SPAG16: variants seen among roughly 807,000 people sequenced by gnomAD.
The protein encoded by SPAG16 is sperm associated antigen 16, also known as sperm-associated antigen 16 protein.
Under a neutral mutation model 80.4 loss-of-function variants are expected in SPAG16, and 86 were observed. The observed-to-expected ratio is 1.07, with a 90% CI of 0.90 to 1.28. The LOEUF (loss-of-function observed/expected upper bound fraction) is 1.28. SPAG16 is among the 50% of genes most tolerant of loss of function. The pLI is 0.00. For missense variants in SPAG16, 870 were observed against 765.3 expected (o/e 1.14, Z -1.61); for synonymous variants, 294 against 265.9 (o/e 1.11, Z -1.03).
intron 10 of SPAG16, among the ~76,000 whole-genome samples, chr2:213,635,957 G>A (rs913440041): frequency 2.0e-5 from 3 of 152,078 alleles, no homozygotes; most frequent in African/African-American, 7.2e-5. Context: ...GTTTAATTAA[G>A]TACCGTCTAT....
At chr2:213,507,079 ACT>A (rs2074997923) in intron 10 of SPAG16, among the ~76,000 whole-genome samples, 1 of 152,202 alleles carries the variant, frequency 6.6e-6, no homozygotes, top group South Asian at 2.1e-4. Flanking sequence ...AGAGTTGAAA[ACT>A]GTTACCAGGG....
intron 15 of SPAG16, among the ~76,000 whole-genome samples, chr2:214,163,655 G>A (rs868801520): frequency 8.3e-6 from 1 of 119,900 alleles, no homozygotes; most frequent in Non-Finnish European, 1.9e-5. Context: ...GAGAGAGAAA[G>A]AGAGAGAGAG....
intron 15 of SPAG16, among the ~76,000 whole-genome samples, chr2:214,360,720 G>A (rs1435773368): frequency 6.6e-6 from 1 of 151,754 alleles, no homozygotes; most frequent in Non-Finnish European, 1.5e-5. Flanking sequence ...TCCCTCTGAA[G>A]GTTCTATAAT....
intron 12 of SPAG16, among the ~76,000 whole-genome samples, chr2:214,011,895 T>A (rs564026406): frequency 6.6e-6 from 1 of 152,266 alleles, no homozygotes; most frequent in Non-Finnish European, 1.5e-5. Flanking sequence ...AGGAAGGGCA[T>A]ATTTTGCTTC....
chr2:214,089,255 G>T (rs1482322332), intron 13 of SPAG16, among the ~76,000 whole-genome samples: 1 of 151,980 alleles, frequency 6.6e-6, no homozygotes, highest in Non-Finnish European at 1.5e-5. Flanking sequence ...AGGCTGAGGG[G>T]AGGCATTTGT....
At position 213,793,736 on chromosome 2, in the gene SPAG16, G is replaced by A. The variant is rs73986964; in HGVS notation, c.1071-68749G>A. On this transcript the variant is annotated intron_variant, in intron 10 of 15. Transcript: ENST00000331683. ...CCCAAAATCAGAATCTCAGAGACAA[G>A]GTAATGTTAATGTTGCCTCTTTGAA... 4.8e-3 allele frequency among the ~76,000 whole-genome samples: 726 copies of A among 152,244 alleles called. 10 individuals are homozygous for A. Among genetic ancestry groups the A allele is most frequent in the African/African-American group, 0.017 (690 of 41,548 alleles).
At chr2:213,367,263 C>A (rs182247585) in intron 8 of SPAG16, among the ~76,000 whole-genome samples, 10 of 150,458 alleles carry the variant, frequency 6.6e-5, no homozygotes, top group East Asian at 3.9e-4. Flanking sequence ...GTGCATGTGT[C>A]TTTACAGCAG....
At chr2:213,329,895 C>T (rs969381790) in intron 5 of SPAG16, among the ~76,000 whole-genome samples, 2 of 152,232 alleles carry the variant, frequency 1.3e-5, no homozygotes, top group African/African-American at 2.4e-5. Context: ...ATCTCAGCTA[C>T]TCCAGCCATG....
intron 13 of SPAG16, among the ~76,000 whole-genome samples, chr2:214,061,261 G>A (rs1051613627): frequency 6.6e-6 from 1 of 152,176 alleles, no homozygotes; most frequent in African/African-American, 2.4e-5. Context: ...CTGAGATATG[G>A]TGCTGGGAAT....
intron 9 of SPAG16, among the ~76,000 whole-genome samples, chr2:213,405,934 T>C (rs1474822769): frequency 6.6e-6 from 1 of 152,222 alleles, no homozygotes; most frequent in Admixed American, 6.5e-5. Context: ...TTCAAAGTTC[T>C]TTAATCTGGT....
intron 13 of SPAG16, among the ~76,000 whole-genome samples, chr2:214,097,532 T>C (rs2052673828): frequency 2.0e-5 from 3 of 151,930 alleles, no homozygotes; most frequent in Admixed American, 2.0e-4. Context: ...TTTCTTAGAT[T>C]TTTCTCTCCA....
intron 12 of SPAG16, among the ~76,000 whole-genome samples, chr2:213,978,670 G>T (rs1378773826): frequency 6.6e-6 from 1 of 152,126 alleles, no homozygotes; most frequent in Non-Finnish European, 1.5e-5. Context: ...AGGAATCTTT[G>T]AGTAGCTGAG....
At chr2:213,987,892 T>A (rs2046092889) in intron 12 of SPAG16, among the ~76,000 whole-genome samples, 1 of 148,472 alleles carries the variant, frequency 6.7e-6, no homozygotes, top group Admixed American at 6.7e-5. Context: ...ATAAACATAT[T>A]TGTATAAATG....
intron 13 of SPAG16, among the ~76,000 whole-genome samples, chr2:214,023,300 T>TA (rs933887293): frequency 6.6e-6 from 1 of 151,730 alleles, no homozygotes; most frequent in Non-Finnish European, 1.5e-5. Flanking sequence ...ACAACAAAAG[T>TA]AAAAAATACT....
At chr2:214,362,484 T>A (rs1169361102) in intron 15 of SPAG16, among the ~76,000 whole-genome samples, 3 of 151,936 alleles carry the variant, frequency 2.0e-5, no homozygotes, top group African/African-American at 7.2e-5. Context: ...TCTAAATGGG[T>A]GAATTAACTT....
intron 11 of SPAG16, among the ~76,000 whole-genome samples, chr2:213,867,785 G>A (rs10170268): frequency 6.6e-6 from 1 of 150,844 alleles, no homozygotes; most frequent in African/African-American, 2.4e-5. Flanking sequence ...ATAGCCGGGC[G>A]TGGTGGCGGG....
At chr2:213,932,029 A>G (rs1246244454) in intron 12 of SPAG16, among the ~76,000 whole-genome samples, 1 of 151,606 alleles carries the variant, frequency 6.6e-6, no homozygotes, top group East Asian at 1.9e-4. Context: ...TCTTTCTTCA[A>G]AATTTCATAG....
chr2:213,604,797 G>GA (rs139062369), intron 10 of SPAG16, among the ~76,000 whole-genome samples: 3 of 151,374 alleles, frequency 2.0e-5, no homozygotes, highest in African/African-American at 7.3e-5. Context: ...TTTGCTTCAA[G>GA]AAAAAAACCT....
chr2:213,364,027 T>A (rs574124178), intron 7 of SPAG16, 49 bp from the exon 8 acceptor site: 2 of 899,876 alleles, frequency 2.2e-6, no homozygotes, highest in African/African-American at 1.8e-5. Context: ...GTAACCTTTT[T>A]AAAAGTCATT....
Sources: allele counts gnomAD v4.1 joint callset (sites outside exome capture counted in the v4.1 genomes callset), GRCh38; gene constraint gnomAD v4.1.1; transcripts MANE v1.5; gene names NCBI Gene and HGNC (gene_info 2026-07-23, HGNC 2026-07-21).